ABCC12: variants seen among roughly 807,000 people sequenced by gnomAD.
The protein encoded by ABCC12 is ATP-binding cassette sub-family C member 12.
In ABCC12, 142 loss-of-function variants were observed where a neutral mutation model predicts 151.1. That is an observed-to-expected ratio of 0.94 (90% CI 0.82 to 1.08). The LOEUF is 1.08. ABCC12 is among the 50% of genes least tolerant of loss of function. The probability of loss-of-function intolerance (pLI) is 0.00; values close to 1 mark genes in which losing one functional copy is unlikely to be tolerated. For synonymous variants in ABCC12, 645 were observed against 646.4 expected, an observed-to-expected ratio of 1.00 and a Z score of 0.03; for missense variants, 1,638 against 1,691.1, an observed-to-expected ratio of 0.97 and a Z score of 0.55.
intron 3 of ABCC12, among the ~76,000 whole-genome samples, chr16:48,145,109 A>G (rs1964954066): frequency 6.6e-6 from 1 of 152,126 alleles, no homozygotes; most frequent in Admixed American, 6.5e-5. Context: ...AAAAGTGGAC[A>G]GTTAGAGATC....
intron 25 of ABCC12, 74 bp from the exon 26 acceptor site, chr16:48,088,808 A>G: frequency 3.0e-6 from 4 of 1,333,082 alleles, no homozygotes; most frequent in Non-Finnish European, 4.2e-6. Context: ...TCATTCATTG[A>G]TTCACACAGT....
intron 13 of ABCC12, among the ~76,000 whole-genome samples, chr16:48,118,185 G>C (rs1188909578): frequency 1.3e-5 from 2 of 152,190 alleles, no homozygotes; most frequent in Non-Finnish European, 2.9e-5. Context: ...CTCTGCCCCA[G>C]GGGAGGCCTT....
At chr16:48,144,542 T>A (rs1033701592) in intron 3 of ABCC12, among the ~76,000 whole-genome samples, 1 of 152,096 alleles carries the variant, frequency 6.6e-6, no homozygotes, top group Non-Finnish European at 1.5e-5. Flanking sequence ...TAAGGTAGTA[T>A]AGAAGTCCAC....
chr16:48,106,675 A>G (rs1288297689), intron 20 of ABCC12, among the ~76,000 whole-genome samples: 1 of 152,132 alleles, frequency 6.6e-6, no homozygotes, highest in Non-Finnish European at 1.5e-5. Flanking sequence ...GCTGTACCAA[A>G]TGTAATCTTG....
At chr16:48,112,155 T>A (rs146035713) in intron 15 of ABCC12, among the ~76,000 whole-genome samples, 24 of 152,232 alleles carry the variant, frequency 1.6e-4, no homozygotes, top group African/African-American at 5.3e-4. Context: ...AAGTGCCTCC[T>A]GGGGGCAGAT....
intron 12 of ABCC12, among the ~76,000 whole-genome samples, 157 bp downstream of exon 12, chr16:48,124,056 G>A (rs892412963): frequency 1.3e-5 from 2 of 152,264 alleles, no homozygotes; most frequent in African/African-American, 4.8e-5. Context: ...GGGGCCTGGA[G>A]CTGCTGCGTG....
At position 48,139,344 on chromosome 16, in the gene ABCC12, G is replaced by A. The variant is rs373349607; in HGVS notation, c.658-8C>T. On this transcript the variant is annotated splice_polypyrimidine_tract_variant and splice_region_variant and intron_variant, in intron 6 of 30. Coordinates refer to ENST00000311303, the MANE Select transcript of ABCC12 (RefSeq NM_001393797.1). ...TGACAGTATATTGAGCACCTGGAAA[G>A]AAAAGCGCAAAGGTTCAGGCTTTGG... The A allele has an allele frequency of 1.2e-5, 19 of 1,595,388 alleles. No homozygotes were observed. The African/African-American group carries it at 2.4e-4, about 21-fold the overall frequency.
At chr16:48,095,444 T>C (rs1453926821) in intron 24 of ABCC12, among the ~76,000 whole-genome samples, 1 of 152,258 alleles carries the variant, frequency 6.6e-6, no homozygotes, top group East Asian at 1.9e-4. Context: ...CTAATTAATA[T>C]TAATATCCTC....
At chr16:48,122,002 C>A (rs1389306542) in intron 12 of ABCC12, among the ~76,000 whole-genome samples, 162 bp from the exon 13 acceptor site, 1 of 152,252 alleles carries the variant, frequency 6.6e-6, no homozygotes, top group Non-Finnish European at 1.5e-5. Flanking sequence ...CCCAACCATG[C>A]AGATGCAGAA....
chr16:48,104,068 A>T, intron 22 of ABCC12, 74 bp downstream of exon 22: 1 of 1,468,502 alleles, frequency 6.8e-7, no homozygotes, highest in Non-Finnish European at 9.3e-7. Flanking sequence ...CAAGCACTCC[A>T]TGCTCAATAT....
intron 12 of ABCC12, among the ~76,000 whole-genome samples, chr16:48,122,658 G>A (rs557683813): frequency 3.4e-4 from 52 of 152,302 alleles, no homozygotes; most frequent in Non-Finnish European, 5.0e-4. Flanking sequence ...CAAGGCGGCC[G>A]AAGGATGTGA....
chr16:48,112,629 T>C (rs754979643), intron 15 of ABCC12, among the ~76,000 whole-genome samples: 155 of 152,172 alleles, frequency 1.0e-3, no homozygotes, highest in Non-Finnish European at 1.8e-3. Flanking sequence ...AATCTGATCA[T>C]GGAGATTTGG....
intron 25 of ABCC12, among the ~76,000 whole-genome samples, chr16:48,089,322 G>C (rs1046355157): frequency 3.3e-5 from 5 of 152,164 alleles, no homozygotes; most frequent in African/African-American, 1.2e-4. Context: ...ACATAGCCTT[G>C]AGTTTGCAGA....
chr16:48,145,581 A>G (rs1270561876), intron 3 of ABCC12, among the ~76,000 whole-genome samples: 2 of 152,212 alleles, frequency 1.3e-5, no homozygotes, highest in East Asian at 1.9e-4. Flanking sequence ...AATAGAATAC[A>G]GTGAAAAAAG....
At chr16:48,087,774 G>A (rs528382159) in intron 27 of ABCC12, 152 bp downstream of exon 27, 4 of 750,872 alleles carry the variant, frequency 5.3e-6, no homozygotes, top group East Asian at 5.4e-5. Context: ...GCAGAAACAG[G>A]GACCAGCAGT....
At chr16:48,117,935 G>T (rs1410676913) in intron 13 of ABCC12, among the ~76,000 whole-genome samples, 1 of 152,220 alleles carries the variant, frequency 6.6e-6, no homozygotes, top group Non-Finnish European at 1.5e-5. Flanking sequence ...GGCACCTGAG[G>T]TGAGGGGGCG....
intron 13 of ABCC12, among the ~76,000 whole-genome samples, chr16:48,117,606 G>A (rs1477229836): frequency 6.6e-6 from 1 of 152,218 alleles, no homozygotes. Context: ...AGACAACGCT[G>A]AACAGGAAAG....
intron 11 of ABCC12, among the ~76,000 whole-genome samples, chr16:48,124,607 C>T (rs1400634805): frequency 1.3e-5 from 2 of 152,240 alleles, no homozygotes; most frequent in Non-Finnish European, 2.9e-5. Flanking sequence ...AACAGGAAGG[C>T]TATTCTGTGC....
At chr16:48,116,556 G>A (rs1321869349) in intron 14 of ABCC12, among the ~76,000 whole-genome samples, 1 of 152,174 alleles carries the variant, frequency 6.6e-6, no homozygotes, top group Non-Finnish European at 1.5e-5. Context: ...GCAGGTAGGA[G>A]CATGGCCTGG....
Sources: allele counts gnomAD v4.1 joint callset (sites outside exome capture counted in the v4.1 genomes callset), GRCh38; gene constraint gnomAD v4.1.1; transcripts MANE v1.5; gene names NCBI Gene and HGNC (gene_info 2026-07-23, HGNC 2026-07-21).